TTC7A: variants seen among roughly 807,000 people sequenced by gnomAD.
The protein encoded by TTC7A is tetratricopeptide repeat protein 7A.
In TTC7A, 110 loss-of-function variants were observed where a neutral mutation model predicts 103.7. The ratio of observed to expected loss-of-function variants is 1.06; its 90% CI spans 0.91 to 1.24. The LOEUF is 1.24. TTC7A is among the 50% of genes most tolerant of loss of function. The pLI, the probability that TTC7A is intolerant of heterozygous loss-of-function variation, is 0.00. For missense variants in TTC7A, 1,340 were observed against 1,116.3 expected (o/e 1.20, Z -2.86); for synonymous variants, 521 against 467.9 (o/e 1.11, Z -1.47).
chr2:46,986,001 C>G (rs1202291424), intron 5 of TTC7A, among the ~76,000 whole-genome samples: 1 of 152,212 alleles, frequency 6.6e-6, no homozygotes, highest in Non-Finnish European at 1.5e-5. Context: ...GCACCATCCC[C>G]CCACTCGCCC....
chr2:46,940,860 C>T (rs546528694), upstream of TTC7A, among the ~76,000 whole-genome samples: 292 of 152,198 alleles, frequency 1.9e-3, 1 homozygote, highest in Non-Finnish European at 3.4e-3. The surrounding 1 kb of genome is among the most constrained non-coding windows in gnomAD (Gnocchi z 4.7). Flanking sequence ...CGGCCGGCCT[C>T]TCCCCATTTT....
intron 4 of TTC7A, among the ~76,000 whole-genome samples, chr2:46,976,988 A>G (rs775337568): frequency 5.3e-5 from 8 of 152,230 alleles, no homozygotes; most frequent in Admixed American, 6.5e-5. Flanking sequence ...GGAATGGGTC[A>G]CTGCTAGACA....
At position 46,994,407 on chromosome 2, in the gene TTC7A, G is replaced by A. The variant is rs777551892; in HGVS notation, c.894G>A (p.Glu298=). ...AGVLLHSLSE[E]CYWSPLSHPL... is the part of the protein sequence containing the mutation. ...TCCTGCTGCACTCCCTGAGTGAGGAGTGCTACTGGAGCCCCCTGTCCCACC... is the reference window on the plus strand; with the variant it reads ...TCCTGCTGCACTCCCTGAGTGAGGAATGCTACTGGAGCCCCCTGTCCCACC... Residue 298 remains glutamate, a synonymous_variant, in exon 7 of 20, where the codon GAG becomes GAA. Coordinates refer to ENST00000319190, the MANE Select transcript of TTC7A (RefSeq NM_020458.4). The A allele has an allele frequency of 1.5e-5, 24 of 1,613,960 alleles. No individual in the cohort carries two copies. The South Asian group carries it at 2.5e-4, about 17-fold the overall frequency.
chr2:47,044,168 A>G (rs1452135113), intron 15 of TTC7A, among the ~76,000 whole-genome samples: 1 of 151,218 alleles, frequency 6.6e-6, no homozygotes, highest in African/African-American at 2.4e-5. Context: ...TCTCTCCCTG[A>G]CTCCCAGCCA....
intron 16 of TTC7A, chr2:47,047,374 G>T: frequency 7.1e-7 from 1 of 1,412,588 alleles, no homozygotes; most frequent in Non-Finnish European, 9.8e-7. Context: ...GGCAAAGTCA[G>T]CCCTCACTTT....
intron 3 of TTC7A, among the ~76,000 whole-genome samples, chr2:46,966,499 C>A (rs969241021): frequency 6.6e-6 from 1 of 152,050 alleles, no homozygotes; most frequent in Admixed American, 6.5e-5. Context: ...TTTCAATACA[C>A]CTCTATGTCA....
In TTC7A at chr2:47,021,921, G is replaced by A. The variant is rs1224866966; in HGVS notation, c.1452G>A (p.Glu484=). The change falls in exon 12 of 20, where the codon GAG becomes GAA. Residue 484 remains glutamate (E), a synonymous_variant. Transcript: ENST00000319190. The part of the protein sequence containing the change: ...MVISLGEEAG[E]FLPKGYLALG... The stretch of plus-strand genomic sequence containing the variant: ...TCAGCCTCGGAGAGGAAGCCGGGGA[G>A]TTCCTCCCCAAGGGCTACCTGGCTC... 2 of 1,614,048 alleles carry A rather than the reference G, an allele frequency of 1.2e-6. No homozygotes were observed. The highest frequency in any genetic ancestry group is 1.7e-6 in the Non-Finnish European group (2 of 1,179,988).
At chr2:47,071,093 G>C (rs925501049) in intron 19 of TTC7A, 2 of 152,470 alleles carry the variant, frequency 1.3e-5, no homozygotes, top group African/African-American at 4.8e-5. Flanking sequence ...AGGATTGTCT[G>C]CAGGTCCTAG....
At chr2:46,927,047 A>G (rs1296570674) in intron 2 of TTC7A, among the ~76,000 whole-genome samples, 1 of 152,218 alleles carries the variant, frequency 6.6e-6, no homozygotes, top group Non-Finnish European at 1.5e-5. Flanking sequence ...AGAGGAAACT[A>G]TTGTATCTAG....
Position 46,941,807 on chromosome 2 carries a change from C to G in TTC7A, c.184+82C>G, listed in dbSNP as rs1670425320. ...CTCCAGGAAGCGCGCCCAGACAGTCCTCGGCCGACAGCGGGCGCCTGCCAG... is the reference window on the plus strand; with the variant it reads ...CTCCAGGAAGCGCGCCCAGACAGTCGTCGGCCGACAGCGGGCGCCTGCCAG... On this transcript the variant is annotated intron_variant, in intron 1 of 19. Transcript: ENST00000319190. The surrounding 1 kb of genome is among the most constrained non-coding windows in gnomAD (Gnocchi z 4.2). 3 of 1,516,070 alleles carry G rather than the reference C, an allele frequency of 2.0e-6. No individual in the cohort carries two copies. Among genetic ancestry groups the G allele is most frequent in the East Asian group, 2.5e-5 (1 of 40,372 alleles). The allele number at this position is 1,516,070 out of a possible 1,614,324, so 93.9% of individuals were successfully genotyped here.
In TTC7A at chr2:47,030,531, G is replaced by T. The variant is rs541142778; in HGVS notation, c.1802+1147G>T. Among the ~76,000 whole-genome samples the T allele has an allele frequency of 7.2e-5, 11 of 152,308 alleles. No individual in the cohort carries two copies. The South Asian group carries it at 2.3e-3, about 32-fold the overall frequency. ...TCCTTCTCCCCAAAGCTAAAGAAAG[G>T]TGCTTTGGGAGTGGCAGTGTTTCCT... On this transcript the variant is annotated intron_variant, in intron 15 of 19. Coordinates refer to ENST00000319190, the MANE Select transcript of TTC7A (RefSeq NM_020458.4).
rs111460716 is a variant in TTC7A, at chr2:47,042,702, G to GTGTGTGTGTGTATATA, written c.1803-3612_1803-3611insGTGTGTGTGTATATAT. 3.5e-3 allele frequency among the ~76,000 whole-genome samples: 498 copies of GTGTGTGTGTGTATATA among 142,690 alleles called. 3 individuals carry two copies. Among genetic ancestry groups the GTGTGTGTGTGTATATA allele is most frequent in the Admixed American group, 7.7e-3 (110 of 14,204 alleles). 93.6% of individuals were successfully genotyped at this position (142,690 alleles called of 152,430 possible). A position where few individuals can be genotyped will look rare whatever the true frequency, so the allele number is the denominator to read the frequency against. On this transcript the variant is annotated intron_variant, in intron 15 of 19. Transcript: ENST00000319190. ...TGTGTGTGTGTGTGTGTGTGTGTGT[G>GTGTGTGTGTGTATATA]TATATATATGTATAAAGTAATTAAG... is the stretch of plus-strand genomic sequence containing the variant.
At chr2:46,979,434 C>G (rs945867691) in intron 5 of TTC7A, among the ~76,000 whole-genome samples, 3 of 152,104 alleles carry the variant, frequency 2.0e-5, no homozygotes, top group African/African-American at 7.2e-5. Flanking sequence ...CTGTGGCTGT[C>G]CCTGCTGACG....
intron 9 of TTC7A, 55 bp downstream of exon 9, chr2:47,006,114 G>T: frequency 6.3e-7 from 1 of 1,591,790 alleles, no homozygotes; most frequent in South Asian, 1.1e-5. Flanking sequence ...GTCTGTAAAG[G>T]AAATCAGACA....
chr2:47,049,251 G>C (rs1317840337), intron 16 of TTC7A, among the ~76,000 whole-genome samples: 4 of 152,196 alleles, frequency 2.6e-5, no homozygotes, highest in Admixed American at 6.5e-5. Flanking sequence ...GAATGTGCTG[G>C]CTGGGGCTGC....
chr2:46,919,198 T>C (rs1300870685), intron 2 of TTC7A, among the ~76,000 whole-genome samples: 1 of 152,254 alleles, frequency 6.6e-6, no homozygotes, highest in Non-Finnish European at 1.5e-5. Context: ...ATATTACTTA[T>C]TTGGAAAAAT....
At chr2:46,974,020 G>A (rs1673614377) in intron 3 of TTC7A, among the ~76,000 whole-genome samples, 1 of 152,178 alleles carries the variant, frequency 6.6e-6, no homozygotes, top group South Asian at 2.1e-4. Flanking sequence ...GCCTTGCCTG[G>A]TGGTGAAACC....
intron 11 of TTC7A, among the ~76,000 whole-genome samples, chr2:47,014,507 G>T (rs745580153): frequency 6.6e-5 from 10 of 152,174 alleles, no homozygotes; most frequent in Non-Finnish European, 1.5e-4. Flanking sequence ...CCTTCTGCTG[G>T]GTTCCTGCCT....
intron 3 of TTC7A, among the ~76,000 whole-genome samples, chr2:46,964,688 T>C (rs112660816): frequency 1.3e-5 from 2 of 152,302 alleles, no homozygotes; most frequent in African/African-American, 4.8e-5. Flanking sequence ...CTGGCTTTGA[T>C]TGGCATCCAG....
Sources: gnomAD v4.1 joint callset for allele counts (sites outside exome capture counted in the v4.1 genomes callset) on GRCh38, gnomAD v4.1.1 for gene constraint, Gnocchi (gnomAD v3.1) non-coding constraint, MANE v1.5 for transcripts, NCBI Gene and HGNC (gene_info 2026-07-23, HGNC 2026-07-21) for gene names.